PTMA: variants seen among roughly 807,000 people sequenced by gnomAD.
PTMA encodes the protein prothymosin alpha.
PTMA carries 4 observed loss-of-function variants against 16.9 expected under a neutral mutation model. The observed-to-expected ratio is 0.24, with a 90% CI of 0.12 to 0.54. PTMA has a LOEUF of 0.54. PTMA is among the 20% of genes least tolerant of loss of function. The pLI is 0.95. For synonymous variants in PTMA, 58 were observed against 47.9 expected, an observed-to-expected ratio of 1.21 and a Z score of -0.87; for missense variants, 120 against 137.7, an observed-to-expected ratio of 0.87 and a Z score of 0.64.
chr2:231,710,010 A>T, intron 1 of PTMA: 1 of 1,148,118 alleles, frequency 8.7e-7, no homozygotes, highest in Non-Finnish European at 1.1e-6. Context: ...GTGGGGTGAG[A>T]ACACCGTCCC....
At chr2:231,708,792 C>T in intron 1 of PTMA, 41 bp downstream of exon 1, 3 of 1,592,692 alleles carry the variant, frequency 1.9e-6, no homozygotes, top group Non-Finnish European at 2.6e-6. Context: ...GTCCGCGCGC[C>T]GCCGCTCGGG....
At position 231,708,756 on chromosome 2, in the gene PTMA, G is replaced by A. The variant is rs746627121; in HGVS notation, c.45+5G>A. ...AGCTCCGAAATCACCACCAAGGTGA[G>A]GCTGGACGCCGCCCGCCCCCTCGGG... On this transcript the variant is annotated splice_donor_5th_base_variant and intron_variant, in intron 1 of 4. Coordinates refer to ENST00000409115, the MANE Select transcript of PTMA (RefSeq NM_002823.5). 9.4e-6 allele frequency: 15 copies of A among 1,602,376 alleles called. No individual in the cohort carries two copies. In the South Asian group the frequency reaches 1.6e-4, roughly 18 times the overall value.
In PTMA at chr2:231,713,080, T is replaced by G. The variant is rs2048539919; in HGVS notation, c.*229T>G. 2 of 553,482 alleles carry G rather than the reference T, an allele frequency of 3.6e-6. No homozygotes were observed. Among genetic ancestry groups the G allele is most frequent in the Non-Finnish European group, 6.6e-6 (2 of 304,422 alleles). 34.3% of individuals were successfully genotyped at this position (553,482 alleles called of 1,614,324 possible). ...GAACCAAAACTTCCAAGGCCCTGCTTTTTTTCTTAAAAGTACTTTAAAAAG... is the reference window on the plus strand; with the variant it reads ...GAACCAAAACTTCCAAGGCCCTGCTGTTTTTCTTAAAAGTACTTTAAAAAG... On this transcript the variant is annotated 3_prime_UTR_variant, in exon 5 of 5. Coordinates refer to ENST00000409115, the MANE Select transcript of PTMA (RefSeq NM_002823.5).
At chr2:231,708,824 T>C (rs970888009) in intron 1 of PTMA, 73 bp downstream of exon 1, 1 of 1,535,336 alleles carries the variant, frequency 6.5e-7, no homozygotes, top group East Asian at 2.3e-5. Flanking sequence ...GCGCAGCAGC[T>C]GGACTGTCTC....
chr2:231,712,715 G>C, intron 4 of PTMA, 89 bp from the exon 5 acceptor site: 12 of 1,486,042 alleles, frequency 8.1e-6, no homozygotes, highest in East Asian at 2.4e-5. Flanking sequence ...GGGGGTCCCT[G>C]GTTCTTGCTC....
At chr2:231,712,645 T>C (rs2048533288) in intron 4 of PTMA, 129 bp downstream of exon 4, 1 of 1,315,552 alleles carries the variant, frequency 7.6e-7, no homozygotes, top group Admixed American at 2.1e-5. Context: ...TCCTGAATCT[T>C]AAGAACAGGA....
intron 1 of PTMA, chr2:231,710,377 C>T (rs888204502): frequency 3.4e-6 from 4 of 1,189,406 alleles, no homozygotes; most frequent in Admixed American, 9.1e-5. Context: ...GCGCAAAGCC[C>T]GCCGGGCGGG....
chr2:231,710,420 C>T (rs1242390602), intron 1 of PTMA: 1 of 1,151,744 alleles, frequency 8.7e-7, no homozygotes, highest in Non-Finnish European at 1.1e-6. Flanking sequence ...ACCTCCCTGC[C>T]CCCACTGCTC....
At chr2:231,710,094 G>C (rs984108210) in intron 1 of PTMA, 1 of 1,238,520 alleles carries the variant, frequency 8.1e-7, no homozygotes, top group African/African-American at 1.6e-5. Flanking sequence ...ATGAGTAGTA[G>C]CCCGAGAGGC....
chr2:231,712,061 G>C, intron 3 of PTMA, 78 bp downstream of exon 3: 1 of 1,545,004 alleles, frequency 6.5e-7, no homozygotes. Flanking sequence ...GGAAGGAATT[G>C]GGGCTCCTGG....
rs1255512849 is a variant in PTMA at position 231,710,417 on chromosome 2, T to A, written c.46-931T>A. 3.5e-6 allele frequency: 4 copies of A among 1,152,518 alleles called. No homozygotes were observed. The African/African-American group carries it at 4.9e-5, about 14-fold the overall frequency. 71.4% of individuals were successfully genotyped at this position (1,152,518 alleles called of 1,614,324 possible). On this transcript the variant is annotated intron_variant, in intron 1 of 4. Transcript: ENST00000409115. ...GCGCGCCTGCGCGCCGCGACCTCCC[T>A]GCCCCCACTGCTCCCCGGGGCTTCG...
intron 3 of PTMA, 107 bp from the exon 4 acceptor site, chr2:231,712,336 G>A (rs2048529115): frequency 4.1e-6 from 5 of 1,215,420 alleles, no homozygotes; most frequent in Non-Finnish European, 6.0e-6. Context: ...GTTGCAGGCA[G>A]TAGAGGCAGG....
At chr2:231,710,233 C>G (rs555064668) in intron 1 of PTMA, 1 of 1,338,956 alleles carries the variant, frequency 7.5e-7, no homozygotes, top group Non-Finnish European at 9.7e-7. Flanking sequence ...AGTCGAGAGC[C>G]CGGCCGACCG....
At position 231,711,888 on chromosome 2, in the gene PTMA, A is replaced by G. The variant is rs2048522890; in HGVS notation, c.118-2A>G. On this transcript the variant is annotated splice_acceptor_variant, in intron 2 of 4. Coordinates refer to ENST00000409115, the MANE Select transcript of PTMA (RefSeq NM_002823.5). LOFTEE classifies it high-confidence loss of function. The stretch of plus-strand genomic sequence containing the variant: ...TGACATGGCCTGTTTTCTGTCGAGG[A>G]GAATGAGGAAAATGGGGAGCAGGAG... 1.9e-6 allele frequency: 3 copies of G among 1,612,748 alleles called. No individual in the cohort carries two copies. Among genetic ancestry groups the G allele is most frequent in the Middle Eastern group, 1.8e-4 (1 of 5,572 alleles).
chr2:231,710,847 G>A (rs1449495205), intron 1 of PTMA, among the ~76,000 whole-genome samples: 1 of 152,234 alleles, frequency 6.6e-6, no homozygotes, highest in African/African-American at 2.4e-5. Context: ...GGCCGGGGCG[G>A]TGCGGCCTCG....
chr2:231,709,294 G>C lies in PTMA; in HGVS notation c.45+543G>C, dbSNP rs528265697. On this transcript the variant is annotated intron_variant, in intron 1 of 4. Coordinates refer to ENST00000409115, the MANE Select transcript of PTMA (RefSeq NM_002823.5). ...TGTCTAGACTAAGTCCCGATAAGGC[G>C]GATGGGGCGACGGGCTGGCTGGCCG... Among the ~76,000 whole-genome samples the C allele has an allele frequency of 2.4e-3, 369 of 152,278 alleles. 6 individuals carry two copies. Among genetic ancestry groups the C allele is most frequent in the Admixed American group, 4.2e-3 (64 of 15,302 alleles).
intron 2 of PTMA, 75 bp downstream of exon 2, chr2:231,711,494 C>T (rs944201711): frequency 2.4e-5 from 32 of 1,350,390 alleles, no homozygotes; most frequent in South Asian, 1.9e-4. Flanking sequence ...TTTAAACATA[C>T]CTATATATGT....
intron 1 of PTMA, chr2:231,710,290 G>C (rs1462102185): frequency 1.6e-6 from 2 of 1,282,712 alleles, no homozygotes; most frequent in Non-Finnish European, 2.0e-6. Context: ...CTGCCGGCCG[G>C]GAGTCTCCAA....
Position 231,708,819 on chromosome 2 carries a change from G to T in PTMA, c.45+68G>T, listed in dbSNP as rs987249444. 12 of 1,547,188 alleles carry T rather than the reference G, an allele frequency of 7.8e-6. No homozygotes were observed. The East Asian group carries it at 1.6e-4, about 21-fold the overall frequency. ...CCGCTCGGGCGGTGTTTGGCGCGCA[G>T]CAGCTGGACTGTCTCAAGCCCGCTG... On this transcript the variant is annotated intron_variant, in intron 1 of 4. Coordinates refer to ENST00000409115, the MANE Select transcript of PTMA (RefSeq NM_002823.5).
Sources: gnomAD v4.1 joint callset for allele counts (sites outside exome capture counted in the v4.1 genomes callset) on GRCh38, gnomAD v4.1.1 for gene constraint, MANE v1.5 for transcripts, NCBI Gene and HGNC (gene_info 2026-07-23, HGNC 2026-07-21) for gene names.